Variants in DYSF observed in about 807,000 individuals in gnomAD.
DYSF encodes the protein dystrophy-associated fer-1-like 1.
DYSF carries 212 observed loss-of-function variants against 274.9 expected under a neutral mutation model. That is an observed-to-expected ratio of 0.77 (90% CI 0.69 to 0.86). DYSF has a LOEUF of 0.86. DYSF is among the 40% of genes least tolerant of loss of function. The pLI is 0.00. For synonymous variants in DYSF, 1,091 were observed against 1,078.7 expected, an observed-to-expected ratio of 1.01 and a Z score of -0.22; for missense variants, 2,666 against 2,783.2, an observed-to-expected ratio of 0.96 and a Z score of 0.95.
chr2:71,548,989 T>C (rs1271271249), intron 17 of DYSF, among the ~76,000 whole-genome samples: 1 of 152,210 alleles, frequency 6.6e-6, no homozygotes, highest in Non-Finnish European at 1.5e-5. Context: ...CCCTCACTTA[T>C]CTGGCTATCA....
chr2:71,530,611 GTGGAGGGAGT>G (rs1337055225), intron 14 of DYSF, among the ~76,000 whole-genome samples: 4 of 152,176 alleles, frequency 2.6e-5, no homozygotes, highest in African/African-American at 4.8e-5. Context: ...CTAGAAGGAG[GTGGAGGGAGT>G]TGAAGAATGA....
chr2:71,535,168 C>T lies in DYSF; in HGVS notation c.1449+79C>T, dbSNP rs902901388. ...GGGAGGTCCAGGGCTCCTGCCTCCC[C>T]AGCATCCTGCCAGTATCCCAGACTT... On this transcript the variant is annotated intron_variant, in intron 15 of 55. Coordinates refer to ENST00000410020, the MANE Select transcript of DYSF (RefSeq NM_001130987.2). 2.0e-4 allele frequency: 313 copies of T among 1,601,560 alleles called. 1 individual carries two copies. The highest frequency in any genetic ancestry group is 3.2e-5 in the Non-Finnish European group (37 of 1,168,638).
intron 3 of DYSF, among the ~76,000 whole-genome samples, chr2:71,501,479 A>G (rs960833163): frequency 1.3e-5 from 2 of 152,218 alleles, no homozygotes; most frequent in East Asian, 3.8e-4. Flanking sequence ...GTGGCGTTAC[A>G]TGCATTCATG....
At chr2:71,612,022 C>T (rs2152875984) in intron 38 of DYSF, among the ~76,000 whole-genome samples, 1 of 152,220 alleles carries the variant, frequency 6.6e-6, no homozygotes, top group African/African-American at 2.4e-5. Context: ...AGGAGCTCAC[C>T]CCCACAGCCC....
intron 42 of DYSF, among the ~76,000 whole-genome samples, chr2:71,651,089 C>G (rs904608293): frequency 1.3e-5 from 2 of 151,642 alleles, no homozygotes; most frequent in Admixed American, 1.3e-4. Context: ...TTTTCATTAT[C>G]TGGAAAAAGG....
Position 71,513,239 on chromosome 2 carries a change from G to A in DYSF, c.461-1G>A, listed in dbSNP as rs1553520795. ...GGGGTTATGCCCTGCCCACAAGACA[G>A]GCGGGGGACAGAGCCGGGCCGAGAC... On this transcript the variant is annotated splice_acceptor_variant, in intron 5 of 55. Coordinates refer to ENST00000410020, the MANE Select transcript of DYSF (RefSeq NM_001130987.2). LOFTEE classifies it high-confidence loss of function. The A allele has an allele frequency of 5.8e-6, 9 of 1,551,692 alleles. No individual in the cohort carries two copies. In the South Asian group the frequency reaches 7.1e-5, roughly 12 times the overall value.
chr2:71,535,342 G>A (rs762728380), intron 16 of DYSF, 31 bp downstream of exon 16: 56 of 1,611,474 alleles, frequency 3.5e-5, no homozygotes, highest in South Asian at 1.2e-4. Context: ...TCTTTAGGGC[G>A]GGCTGTCCTG....
At chr2:71,552,447 C>T (rs2091014145) in intron 19 of DYSF, among the ~76,000 whole-genome samples, 1 of 152,252 alleles carries the variant, frequency 6.6e-6, no homozygotes. Flanking sequence ...ACCCAATTGT[C>T]TGACCCCTCT....
intron 22 of DYSF, among the ~76,000 whole-genome samples, chr2:71,558,936 C>T (rs1385171996): frequency 6.6e-6 from 1 of 152,178 alleles, no homozygotes; most frequent in Non-Finnish European, 1.5e-5. Flanking sequence ...TGAGCACCAT[C>T]ACAGCTGATA....
At chr2:71,477,937 C>T (rs979300943) in intron 1 of DYSF, among the ~76,000 whole-genome samples, 4 of 151,922 alleles carry the variant, frequency 2.6e-5, no homozygotes, top group Non-Finnish European at 5.9e-5. Context: ...TGAGGAGTCT[C>T]AGCAGTTTGA....
intron 53 of DYSF, among the ~76,000 whole-genome samples, chr2:71,680,511 G>C (rs1190020133): frequency 6.6e-6 from 1 of 152,144 alleles, no homozygotes; most frequent in African/African-American, 2.4e-5. Context: ...TAGGTTCTGG[G>C]ATATTTGTTG....
At chr2:71,639,191 T>C (rs1339110580) in intron 41 of DYSF, among the ~76,000 whole-genome samples, 1 of 152,114 alleles carries the variant, frequency 6.6e-6, no homozygotes, top group Non-Finnish European at 1.5e-5. Flanking sequence ...CTTTTTATCA[T>C]TGAGTTGTGA....
At chr2:71,650,330 A>G (rs1482586019) in intron 42 of DYSF, among the ~76,000 whole-genome samples, 2 of 151,958 alleles carry the variant, frequency 1.3e-5, no homozygotes, top group Non-Finnish European at 2.9e-5. Flanking sequence ...AAAATACAAA[A>G]ATTAGTCAGG....
intron 14 of DYSF, among the ~76,000 whole-genome samples, chr2:71,534,441 G>A (rs2089085627): frequency 6.6e-6 from 1 of 152,156 alleles, no homozygotes; most frequent in South Asian, 2.1e-4. Context: ...CTCCTGTGAG[G>A]TTTCTTGTTT....
chr2:71,537,496 T>C (rs1404149241), intron 16 of DYSF, among the ~76,000 whole-genome samples: 1 of 152,212 alleles, frequency 6.6e-6, no homozygotes, highest in African/African-American at 2.4e-5. Context: ...TCCATCTGCC[T>C]TGGCCTCCCA....
At chr2:71,662,933 T>G (rs1355876057) in intron 45 of DYSF, among the ~76,000 whole-genome samples, 1 of 149,668 alleles carries the variant, frequency 6.7e-6, no homozygotes, top group Non-Finnish European at 1.5e-5. Flanking sequence ...TGCACGTATG[T>G]GCATGTGTGT....
intron 1 of DYSF, among the ~76,000 whole-genome samples, chr2:71,461,353 G>A (rs1426124981): frequency 6.6e-6 from 1 of 152,230 alleles, no homozygotes; most frequent in Non-Finnish European, 1.5e-5. Context: ...GAGGCCTGAA[G>A]TATGAATAGG....
chr2:71,674,374 G>A (rs1186413635), intron 52 of DYSF, 78 bp downstream of exon 52: 1 of 1,397,844 alleles, frequency 7.2e-7, no homozygotes, highest in Non-Finnish European at 1.0e-6. Flanking sequence ...TGCCACTGTT[G>A]GACCCTTGGG....
chr2:71,673,619 C>T (rs2095168721), intron 51 of DYSF, among the ~76,000 whole-genome samples: 1 of 152,032 alleles, frequency 6.6e-6, no homozygotes, highest in South Asian at 2.1e-4. Flanking sequence ...CTCAGTTACC[C>T]CACCCTGACC....
Sources: gnomAD v4.1 joint callset for allele counts (sites outside exome capture counted in the v4.1 genomes callset) on GRCh38, gnomAD v4.1.1 for gene constraint, MANE v1.5 for transcripts, NCBI Gene and HGNC (gene_info 2026-07-23, HGNC 2026-07-21) for gene names.